Variants in GAREM1 observed in about 807,000 individuals in gnomAD.
GAREM1 encodes the protein GRB2 associated regulator of MAPK1 subtype 1.
A neutral mutation model predicts 71.3 loss-of-function variants in GAREM1; 26 were observed. The ratio of observed to expected loss-of-function variants is 0.36; its 90% CI spans 0.27 to 0.51. The LOEUF is 0.51. Ranked by LOEUF, GAREM1 falls within the 20% of genes least tolerant of loss-of-function variation. GAREM1 has a pLI of 0.95. For synonymous variants in GAREM1, 440 were observed against 433.2 expected, an observed-to-expected ratio of 1.02 and a Z score of -0.20; for missense variants, 1,026 against 1,103.1, an observed-to-expected ratio of 0.93 and a Z score of 0.99.
At chr18:32,398,569 G>A (rs2048280651) in intron 1 of GAREM1, among the ~76,000 whole-genome samples, 1 of 152,184 alleles carries the variant, frequency 6.6e-6, no homozygotes, top group Non-Finnish European at 1.5e-5. Context: ...AAATCTAGAA[G>A]AAATGGGTAA....
chr18:32,423,167 G>C (rs1052956601), intron 1 of GAREM1, among the ~76,000 whole-genome samples: 3 of 152,152 alleles, frequency 2.0e-5, no homozygotes, highest in Non-Finnish European at 4.4e-5. Context: ...AATTCCAGTG[G>C]GACACTAGCT....
intron 1 of GAREM1, among the ~76,000 whole-genome samples, chr18:32,400,345 C>T (rs983558998): frequency 5.3e-5 from 8 of 152,172 alleles, no homozygotes; most frequent in African/African-American, 1.9e-4. Flanking sequence ...AACTAAAGAG[C>T]TTCTGCACAG....
rs576011250 is a variant in GAREM1, at chr18:32,286,933, C to T, written c.1566+98G>A. On this transcript the variant is annotated intron_variant, in intron 4 of 5. Transcript: ENST00000269209. The stretch of plus-strand genomic sequence containing the variant: ...AAACTAAACAAATTTGCTCACTCTG[C>T]AATCTTCAGTTGGGGAGTTTTAAGA... 1.6e-3 allele frequency: 1,410 copies of T among 872,294 alleles called. 18 individuals carry two copies. The African/African-American group carries it at 0.021, about 13-fold the overall frequency. The allele number at this position is 872,294 out of a possible 1,614,324, so 54.0% of individuals were successfully genotyped here. A position where few individuals can be genotyped will look rare whatever the true frequency, so the allele number is the denominator to read the frequency against.
At chr18:32,445,695 T>C (rs2048779851) in intron 1 of GAREM1, among the ~76,000 whole-genome samples, 1 of 152,200 alleles carries the variant, frequency 6.6e-6, no homozygotes, top group Non-Finnish European at 1.5e-5. Context: ...ATGATTTAGT[T>C]TGTTTCGCAG....
At chr18:32,295,469 C>T (rs117056409) in intron 3 of GAREM1, among the ~76,000 whole-genome samples, 309 of 152,198 alleles carry the variant, frequency 2.0e-3, no homozygotes, top group Non-Finnish European at 3.3e-3. Flanking sequence ...TTACATTAAA[C>T]CTAAGCTTGA....
chr18:32,426,193 T>G (rs752230040), intron 1 of GAREM1, among the ~76,000 whole-genome samples: 1 of 151,858 alleles, frequency 6.6e-6, no homozygotes, highest in Non-Finnish European at 1.5e-5. Flanking sequence ...TAGTTTTTGG[T>G]ATTTTTAGTA....
chr18:32,380,221 A>ATCCTAGCAC (rs2048081743), intron 2 of GAREM1, among the ~76,000 whole-genome samples: 1 of 152,166 alleles, frequency 6.6e-6, no homozygotes, highest in Admixed American at 6.5e-5. Flanking sequence ...CACGCCTGTA[A>ATCCTAGCAC]TCCTAGCACT....
chr18:32,310,317 A>C lies in GAREM1; in HGVS notation c.269T>G (p.Phe90Cys). Residue 90 changes from phenylalanine to cysteine, a missense_variant, in exon 3 of 6, where the codon TTC becomes TGC. Physicochemically the swap from Phe to Cys is radical, Grantham distance 205. This residue lies in a region of GAREM1 where 172 missense variants were observed against 175.2 expected (regional missense o/e 0.98). Transcript: ENST00000269209. Reference sequence around the variant, plus strand: ...ATCTCGGTCTTGTTCCAGCAGCTTGAATTGCCCTAAAACACAGGATAAACA... The same window carrying C: ...ATCTCGGTCTTGTTCCAGCAGCTTGCATTGCCCTAAAACACAGGATAAACA... ...IEIPVHYAGQFKLLEQDRDIK... is the reference protein window; with the variant it reads ...IEIPVHYAGQCKLLEQDRDIK... 1 of 1,614,076 alleles carries C rather than the reference A, an allele frequency of 6.2e-7. No individual in the cohort carries two copies. Among genetic ancestry groups the C allele is most frequent in the African/African-American group, 1.3e-5 (1 of 75,024 alleles).
At chr18:32,428,833 T>C (rs2048598175) in intron 1 of GAREM1, among the ~76,000 whole-genome samples, 1 of 152,202 alleles carries the variant, frequency 6.6e-6, no homozygotes, top group African/African-American at 2.4e-5. Context: ...TGTGGAATCA[T>C]CTTCCATCTT....
At chr18:32,397,908 T>C (rs1053890635) in intron 1 of GAREM1, among the ~76,000 whole-genome samples, 1 of 152,188 alleles carries the variant, frequency 6.6e-6, no homozygotes, top group Non-Finnish European at 1.5e-5. Context: ...GACCACATAG[T>C]TGGAAGTGAA....
intron 1 of GAREM1, among the ~76,000 whole-genome samples, chr18:32,461,023 TA>T (rs1308864050): frequency 6.6e-6 from 1 of 152,190 alleles, no homozygotes; most frequent in African/African-American, 2.4e-5. Flanking sequence ...CATTATTTTA[TA>T]AATCATGATA....
At chr18:32,364,026 A>ATATATAT (rs1336753011) in intron 2 of GAREM1, among the ~76,000 whole-genome samples, 3 of 46,416 alleles carry the variant, frequency 6.5e-5, no homozygotes, top group African/African-American at 1.6e-4. Flanking sequence ...ATATATATAT[A>ATATATAT]TGTTTTTTTT....
chr18:32,364,434 C>T (rs773019962), intron 2 of GAREM1, among the ~76,000 whole-genome samples: 1 of 151,912 alleles, frequency 6.6e-6, no homozygotes, highest in Non-Finnish European at 1.5e-5. Flanking sequence ...CACACATGCA[C>T]GTGCAAGTGC....
chr18:32,297,602 T>A (rs539783067), intron 3 of GAREM1, among the ~76,000 whole-genome samples: 115 of 152,368 alleles, frequency 7.5e-4, no homozygotes, highest in Middle Eastern at 6.8e-3. Flanking sequence ...TTCTCTGTAC[T>A]GAATATCGTT....
chr18:32,290,969 C>G (rs998756505), intron 3 of GAREM1, among the ~76,000 whole-genome samples: 1 of 152,150 alleles, frequency 6.6e-6, no homozygotes, highest in Non-Finnish European at 1.5e-5. Flanking sequence ...CTCCATCCAG[C>G]AATCCTACAT....
chr18:32,423,286 A>T (rs2048538541), intron 1 of GAREM1, among the ~76,000 whole-genome samples: 1 of 152,232 alleles, frequency 6.6e-6, no homozygotes, highest in Non-Finnish European at 1.5e-5. Context: ...CAGTGAGAGC[A>T]TTCTGCAAAT....
chr18:32,350,063 A>C (rs2047732457), intron 2 of GAREM1, among the ~76,000 whole-genome samples: 1 of 152,246 alleles, frequency 6.6e-6, no homozygotes, highest in African/African-American at 2.4e-5. Context: ...CTTGGCAGGA[A>C]GCAGAAATGG....
intron 2 of GAREM1, among the ~76,000 whole-genome samples, chr18:32,339,308 T>C (rs2047627031): frequency 6.6e-6 from 1 of 152,210 alleles, no homozygotes; most frequent in Admixed American, 6.5e-5. Flanking sequence ...CACTGATAAG[T>C]GCCTGGAAGA....
At chr18:32,458,365 T>C (rs1226582967) in intron 1 of GAREM1, among the ~76,000 whole-genome samples, 3 of 152,074 alleles carry the variant, frequency 2.0e-5, no homozygotes, top group Admixed American at 6.6e-5. Flanking sequence ...CATGAGACTA[T>C]TTGATTTCAT....
Sources: gnomAD v4.1 joint callset for allele counts (sites outside exome capture counted in the v4.1 genomes callset) on GRCh38, gnomAD v4.1.1 for gene constraint, gnomAD v4.1.1 regional missense constraint, MANE v1.5 for transcripts, NCBI Gene and HGNC (gene_info 2026-07-23, HGNC 2026-07-21) for gene names.